Variants in COL26A1 observed in about 807,000 individuals in gnomAD.
COL26A1 encodes the protein collagen type XXVI alpha 1 chain.
COL26A1 carries 41 observed loss-of-function variants against 59.3 expected under a neutral mutation model. That is an observed-to-expected ratio of 0.69 (90% CI 0.54 to 0.90). The LOEUF is 0.90. Ranked by LOEUF, COL26A1 falls within the 40% of genes least tolerant of loss-of-function variation. The probability of loss-of-function intolerance (pLI) is 0.00; values close to 1 mark genes in which losing one functional copy is unlikely to be tolerated. For synonymous variants in COL26A1, 266 were observed against 256.0 expected (o/e 1.04, Z -0.37); for missense variants, 612 against 602.3 (o/e 1.02, Z -0.17).
rs531972085 is a variant in COL26A1 at position 101,375,218 on chromosome 7, T to C, written c.158+12028T>C. Among the ~76,000 whole-genome samples the C allele has an allele frequency of 2.0e-5, 3 of 152,296 alleles. No homozygotes were observed. In the South Asian group the frequency reaches 6.2e-4, roughly 32 times the overall value. Reference sequence around the variant, plus strand: ...AGTCACCTCATCTATAAAATGGGTATGATTAGAGTGTTTCCTTCATAAGGT... The same window carrying C: ...AGTCACCTCATCTATAAAATGGGTACGATTAGAGTGTTTCCTTCATAAGGT... On this transcript the variant is annotated intron_variant, in intron 1 of 12. Coordinates refer to ENST00000313669, the MANE Select transcript of COL26A1 (RefSeq NM_001278563.3).
Position 101,520,336 on chromosome 7 carries a change from T to G in COL26A1, c.386-12746T>G, listed in dbSNP as rs535007506. 4.6e-5 allele frequency among the ~76,000 whole-genome samples: 7 copies of G among 152,214 alleles called. No homozygotes were observed. In the East Asian group the frequency reaches 1.2e-3, roughly 25 times the overall value. On this transcript the variant is annotated intron_variant, in intron 3 of 12. Transcript: ENST00000313669. Reference sequence around the variant, plus strand: ...CAGAACACAGGGTCCTTGGGGACCCTCCCAGCCTCCTGATAGCAGAGCCTT... The same window carrying G: ...CAGAACACAGGGTCCTTGGGGACCCGCCCAGCCTCCTGATAGCAGAGCCTT...
At chr7:101,395,681 T>A (rs1791839542) in intron 1 of COL26A1, among the ~76,000 whole-genome samples, 1 of 152,168 alleles carries the variant, frequency 6.6e-6, no homozygotes, top group Non-Finnish European at 1.5e-5. Flanking sequence ...TTTCTTGTGG[T>A]CAACCCCCTG....
chr7:101,538,715 C>T (rs945465034), intron 4 of COL26A1, among the ~76,000 whole-genome samples: 1 of 152,128 alleles, frequency 6.6e-6, no homozygotes, highest in African/African-American at 2.4e-5. Flanking sequence ...AGGGTCAGAG[C>T]CCTGAGCAGC....
At chr7:101,542,768 C>T (rs1406598212) in intron 5 of COL26A1, among the ~76,000 whole-genome samples, 1 of 145,658 alleles carries the variant, frequency 6.9e-6, no homozygotes, top group Non-Finnish European at 1.5e-5. Context: ...AGGTCTCCTA[C>T]GGGAAGGGGG....
At chr7:101,429,600 T>TTGTTCG (rs1462735173) in intron 2 of COL26A1, among the ~76,000 whole-genome samples, 11 of 140,170 alleles carry the variant, frequency 7.8e-5, no homozygotes, top group African/African-American at 3.0e-4. Flanking sequence ...TTTTTTTTTT[T>TTGTTCG]TTTTTTTTTT....
intron 2 of COL26A1, among the ~76,000 whole-genome samples, chr7:101,425,557 C>T (rs1421581814): frequency 2.0e-5 from 3 of 151,896 alleles, no homozygotes; most frequent in Non-Finnish European, 2.9e-5. Flanking sequence ...AGTGCAGTGG[C>T]GTGATCTCGG....
chr7:101,478,966 T>C (rs1027242101), intron 3 of COL26A1, among the ~76,000 whole-genome samples: 6 of 152,252 alleles, frequency 3.9e-5, no homozygotes, highest in Non-Finnish European at 8.8e-5. Flanking sequence ...AACTGCTTTA[T>C]AGTATTTCAC....
At chr7:101,501,217 GAAAAAA>G (rs111556828) in intron 3 of COL26A1, among the ~76,000 whole-genome samples, 1 of 113,032 alleles carries the variant, frequency 8.8e-6, no homozygotes, top group East Asian at 3.1e-4. Context: ...GAAAAGAAAA[GAAAAAA>G]AAAAAAAAAA....
At chr7:101,515,931 G>A (rs1170455322) in intron 3 of COL26A1, among the ~76,000 whole-genome samples, 1 of 152,120 alleles carries the variant, frequency 6.6e-6, no homozygotes, top group Non-Finnish European at 1.5e-5. Context: ...TCTCTCTCCC[G>A]TCCTTCACTG....
In COL26A1 at chr7:101,545,216, C is replaced by T. The variant is rs538336169; in HGVS notation, c.704-122C>T. 54 of 835,720 alleles carry T rather than the reference C, an allele frequency of 6.5e-5. No homozygotes were observed. In the East Asian group the frequency reaches 1.4e-3, roughly 22 times the overall value. 51.8% of individuals were successfully genotyped at this position (835,720 alleles called of 1,614,324 possible). On this transcript the variant is annotated intron_variant, in intron 6 of 12. Coordinates refer to ENST00000313669, the MANE Select transcript of COL26A1 (RefSeq NM_001278563.3). The stretch of plus-strand genomic sequence containing the variant: ...GAAGACTGTGGATCGGAGGTCACCA[C>T]TGACTGCCTGTGGGCCCCTGACCAA...
At chr7:101,382,881 A>T (rs1440089933) in intron 1 of COL26A1, among the ~76,000 whole-genome samples, 1 of 152,126 alleles carries the variant, frequency 6.6e-6, no homozygotes, top group East Asian at 1.9e-4. Flanking sequence ...ATCGCTACTA[A>T]AAATACAAAA....
Position 101,539,898 on chromosome 7 carries a change from C to T in COL26A1, c.453C>T (p.Leu151=). 6.2e-7 allele frequency: 1 copy of T among 1,611,264 alleles called. No homozygotes were observed. The highest frequency in any genetic ancestry group is 1.1e-5 in the South Asian group (1 of 90,932). The change falls in exon 5 of 13, where the codon CTC becomes CTT. Residue 151 remains leucine, a synonymous_variant. Transcript: ENST00000313669. The stretch of plus-strand genomic sequence containing the variant: ...CTCTATCTCCTTTGGCCCAGGTCCT[C>T]CTGCTAGAAGCAGCAGAACGGCCCT... ...ERLTTLEAKV[L]LLEAAERPSS...
chr7:101,495,411 A>ATT lies in COL26A1; in HGVS notation c.386-37657_386-37656dup, dbSNP rs5886195. Among the ~76,000 whole-genome samples the ATT allele has an allele frequency of 1.6e-3, 229 of 142,482 alleles. 1 individual carries two copies. The highest frequency in any genetic ancestry group is 0.011 in the South Asian group (51 of 4,444). 93.5% of individuals were successfully genotyped at this position (142,482 alleles called of 152,430 possible). A position where few individuals can be genotyped will look rare whatever the true frequency, so the allele number is the denominator to read the frequency against. On this transcript the variant is annotated intron_variant, in intron 3 of 12. Coordinates refer to ENST00000313669, the MANE Select transcript of COL26A1 (RefSeq NM_001278563.3). ...GGGCTACGTATGGGCAGCCTGGGGA[A>ATT]TTTTTTTTTTTTTTTAAGATGGAGT...
intron 1 of COL26A1, among the ~76,000 whole-genome samples, chr7:101,386,986 G>GC (rs35576814): frequency 5.3e-5 from 8 of 152,178 alleles, no homozygotes; most frequent in African/African-American, 1.9e-4. Flanking sequence ...ACCTGGCCAC[G>GC]CCCCTGGGGA....
intron 1 of COL26A1, among the ~76,000 whole-genome samples, chr7:101,387,820 A>T (rs1484723500): frequency 7.2e-6 from 1 of 139,802 alleles, no homozygotes; most frequent in Admixed American, 7.6e-5. Context: ...CCCAGGCTGG[A>T]GTGCAGTGGT....
chr7:101,476,638 C>G (rs1430276770), intron 3 of COL26A1, among the ~76,000 whole-genome samples: 1 of 151,302 alleles, frequency 6.6e-6, no homozygotes, highest in East Asian at 1.9e-4. Context: ...AGCTCTGCCT[C>G]CAGAGTTCAT....
intron 9 of COL26A1, 106 bp from the exon 10 acceptor site, chr7:101,551,002 C>G (rs1191966804): frequency 7.7e-7 from 1 of 1,292,076 alleles, no homozygotes; most frequent in Non-Finnish European, 1.1e-6. Flanking sequence ...CTCCCTTCCT[C>G]TTCTGCAGAC....
At chr7:101,491,256 G>A (rs1319399635) in intron 3 of COL26A1, among the ~76,000 whole-genome samples, 1 of 152,052 alleles carries the variant, frequency 6.6e-6, no homozygotes, top group Non-Finnish European at 1.5e-5. Flanking sequence ...CCGTGCAGGG[G>A]TGTCGTATTG....
intron 1 of COL26A1, among the ~76,000 whole-genome samples, chr7:101,405,094 C>T (rs937498635): frequency 1.3e-5 from 2 of 151,588 alleles, no homozygotes; most frequent in African/African-American, 2.4e-5. Flanking sequence ...TGGTGGCAGG[C>T]GCCTGTAGTC....
Sources: gnomAD v4.1 joint callset for allele counts (sites outside exome capture counted in the v4.1 genomes callset) on GRCh38, gnomAD v4.1.1 for gene constraint, MANE v1.5 for transcripts, NCBI Gene and HGNC (gene_info 2026-07-23, HGNC 2026-07-21) for gene names.